Variants in PYHIN1 observed in about 807,000 individuals in gnomAD.
PYHIN1 encodes the protein pyrin and HIN domain-containing protein 1.
PYHIN1 carries 32 observed loss-of-function variants against 43.7 expected under a neutral mutation model. That is an observed-to-expected ratio of 0.73 (90% CI 0.55 to 0.98). The LOEUF (loss-of-function observed/expected upper bound fraction) is 0.98. Among genes scored for constraint, PYHIN1 ranks in the 50% least tolerant of loss-of-function variants. The probability of loss-of-function intolerance (pLI) is 0.00; values close to 1 mark genes in which losing one functional copy is unlikely to be tolerated. For missense variants in PYHIN1, 588 were observed against 589.5 expected (o/e 1.00, Z 0.03); for synonymous variants, 205 against 203.1 (o/e 1.01, Z -0.08).
Position 158,938,339 on chromosome 1 carries a change from T to C in PYHIN1, c.266-58T>C, listed in dbSNP as rs1648687937. The C allele has an allele frequency of 1.9e-6, 3 of 1,578,838 alleles. No homozygotes were observed. In the South Asian group the frequency reaches 3.4e-5, roughly 18 times the overall value. On this transcript the variant is annotated intron_variant, in intron 2 of 8. Coordinates refer to ENST00000368140, the MANE Select transcript of PYHIN1 (RefSeq NM_152501.5). ...TAAGAGCAAATAGTATTGAAACTGC[T>C]TCGGGTGTCCCCGATCATCTGCTCT...
At chr1:158,937,313 C>T (rs1169955592) in intron 2 of PYHIN1, 138 bp downstream of exon 2, 1 of 889,102 alleles carries the variant, frequency 1.1e-6, no homozygotes, top group African/African-American at 1.7e-5. Context: ...GTTGGTACTT[C>T]AGATGCCAAC....
chr1:158,967,915 C>A (rs1259773635), intron 7 of PYHIN1, among the ~76,000 whole-genome samples: 1 of 152,000 alleles, frequency 6.6e-6, no homozygotes, highest in Admixed American at 6.6e-5. Context: ...AACTGGACCC[C>A]TTCCTTACAC....
intron 7 of PYHIN1, among the ~76,000 whole-genome samples, chr1:158,952,581 G>C (rs1381941996): frequency 6.6e-6 from 1 of 152,118 alleles, no homozygotes; most frequent in Non-Finnish European, 1.5e-5. Flanking sequence ...GGGGCTGAGG[G>C]AAGAGGAAGT....
intron 1 of PYHIN1, among the ~76,000 whole-genome samples, chr1:158,934,498 T>TA (rs1270286552): frequency 6.6e-6 from 1 of 152,176 alleles, no homozygotes; most frequent in East Asian, 1.9e-4. Flanking sequence ...GCAGGTGATC[T>TA]AAAGCCTTCA....
At chr1:158,955,496 A>C (rs547420575) in intron 7 of PYHIN1, among the ~76,000 whole-genome samples, 1 of 152,102 alleles carries the variant, frequency 6.6e-6, no homozygotes, top group Non-Finnish European at 1.5e-5. Flanking sequence ...CTGCTCCTGA[A>C]TGACTACTGG....
rs2101635495 is a variant in PYHIN1, at chr1:158,933,323, A to G, written c.-21+1547A>G. 6.6e-6 allele frequency among the ~76,000 whole-genome samples: 1 copy of G among 151,482 alleles called. No individual in the cohort carries two copies. The highest frequency in any genetic ancestry group is 1.9e-4 in the East Asian group (1 of 5,176). On this transcript the variant is annotated intron_variant, in intron 1 of 8. Coordinates refer to ENST00000368140, the MANE Select transcript of PYHIN1 (RefSeq NM_152501.5). This position sits in a 1 kb window ranked among gnomAD's most constrained non-coding sequence, Gnocchi z 6.3. The stretch of plus-strand genomic sequence containing the variant: ...ATTATATTATCATGAAGGACTATAC[A>G]ATAATGAAAAATAATATACATTTAT...
chr1:158,963,858 T>G (rs1295111221), intron 7 of PYHIN1, among the ~76,000 whole-genome samples: 1 of 152,130 alleles, frequency 6.6e-6, no homozygotes, highest in Non-Finnish European at 1.5e-5. Flanking sequence ...TTGCACTAGT[T>G]CCCCAGCAAG....
chr1:158,939,138 A>T lies in PYHIN1; in HGVS notation c.470A>T (p.Glu157Val). The change falls in exon 4 of 9, where the codon GAG (glutamate) becomes GTG (valine). Residue 157 changes from glutamate to valine, a missense_variant. Physicochemically the swap from Glu to Val is moderately radical, Grantham distance 121. Coordinates refer to ENST00000368140, the MANE Select transcript of PYHIN1 (RefSeq NM_152501.5). ...TGTKRSKMSK[E>V]QTRPSCSAGA... ...ACCAAAAGGAGTAAGATGTCCAAAG[A>T]GCAGACTCGGCCTTCCTGCTCTGCA... 6.2e-7 allele frequency: 1 copy of T among 1,613,840 alleles called. No homozygotes were observed. The highest frequency in any genetic ancestry group is 8.5e-7 in the Non-Finnish European group (1 of 1,179,932).
At chr1:158,934,711 A>G (rs185745194) in intron 1 of PYHIN1, among the ~76,000 whole-genome samples, 13 of 152,194 alleles carry the variant, frequency 8.5e-5, no homozygotes, top group African/African-American at 2.9e-4. Context: ...TCTATAATTA[A>G]AATATTTGTT....
At chr1:158,986,747 G>A in the PYHIN1 span, among the ~76,000 whole-genome samples, 1 of 152,140 alleles carries the variant, frequency 6.6e-6, no homozygotes, top group African/African-American at 2.4e-5. Context: ...AAGACTTAAG[G>A]GATGGGCGTC....
rs576126595 is a variant in PYHIN1 at position 158,931,734 on chromosome 1, A to G, written c.-63A>G. 6.6e-6 allele frequency: 1 copy of G among 152,340 alleles called. No individual in the cohort carries two copies. The highest frequency in any genetic ancestry group is 2.1e-4 in the South Asian group (1 of 4,824). 9.4% of individuals were successfully genotyped at this position (152,340 alleles called of 1,614,324 possible). A position where few individuals can be genotyped will look rare whatever the true frequency, so the allele number is the denominator to read the frequency against. On this transcript the variant is annotated 5_prime_UTR_variant, in exon 1 of 9. Transcript: ENST00000368140. Reference sequence around the variant, plus strand: ...CAATCCTCATTTCCTACATTTCTGAAGATCTCAAGATCTGGACTACTGTTG... The same window carrying G: ...CAATCCTCATTTCCTACATTTCTGAGGATCTCAAGATCTGGACTACTGTTG...
At chr1:158,962,461 G>A (rs1249979659) in intron 7 of PYHIN1, among the ~76,000 whole-genome samples, 3 of 152,150 alleles carry the variant, frequency 2.0e-5, no homozygotes, top group Admixed American at 6.5e-5. Flanking sequence ...TTGTATCCGT[G>A]GGTCCCTGTT....
At chr1:158,960,811 T>C (rs979606678) in intron 7 of PYHIN1, among the ~76,000 whole-genome samples, 1 of 152,244 alleles carries the variant, frequency 6.6e-6, no homozygotes, top group Non-Finnish European at 1.5e-5. Context: ...TTTAAAATAC[T>C]AGTCAACCAG....
intron 7 of PYHIN1, among the ~76,000 whole-genome samples, chr1:158,962,648 G>A (rs1650389554): frequency 1.3e-5 from 2 of 152,122 alleles, no homozygotes; most frequent in Non-Finnish European, 1.5e-5. Context: ...AACTGCTCTC[G>A]AGCTGGGAAA....
rs114585942 is a variant in PYHIN1 at position 158,947,717 on chromosome 1, G to A, written c.1359+2675G>A. ...CACAGCCTCCACTAGCCAGCCCTGC[G>A]GGCATTTATTTAGCACAGATTTAAT... On this transcript the variant is annotated intron_variant, in intron 7 of 8. Transcript: ENST00000368140. Among the ~76,000 whole-genome samples, 1,261 of 152,094 alleles carry A rather than the reference G, an allele frequency of 8.3e-3. 13 individuals carry two copies. Among genetic ancestry groups the A allele is most frequent in the Non-Finnish European group, 0.011 (769 of 67,998 alleles).
downstream of PYHIN1, among the ~76,000 whole-genome samples, chr1:158,977,980 T>C (rs1055830199): frequency 7.2e-5 from 11 of 152,092 alleles, no homozygotes; most frequent in Non-Finnish European, 1.5e-5. Flanking sequence ...AGTAGATAAA[T>C]GCAAAATAGC....
intron 7 of PYHIN1, among the ~76,000 whole-genome samples, chr1:158,961,855 GA>G (rs1650338810): frequency 6.6e-6 from 1 of 152,186 alleles, no homozygotes; most frequent in African/African-American, 2.4e-5. Context: ...GGCAATAGGG[GA>G]GGTCAGGCTG....
intron 7 of PYHIN1, among the ~76,000 whole-genome samples, chr1:158,959,794 C>G (rs562789824): frequency 1.3e-5 from 2 of 152,166 alleles, no homozygotes; most frequent in Non-Finnish European, 2.9e-5. Context: ...ATACCATAAG[C>G]TCAGATGGTA....
chr1:158,984,854 T>C, the PYHIN1 span, among the ~76,000 whole-genome samples: 1 of 152,224 alleles, frequency 6.6e-6, no homozygotes, highest in African/African-American at 2.4e-5. Context: ...CACACATCTT[T>C]AGGATAGTTA....
Sources: allele counts gnomAD v4.1 joint callset (sites outside exome capture counted in the v4.1 genomes callset), GRCh38; gene constraint gnomAD v4.1.1; non-coding constraint Gnocchi (gnomAD v3.1); transcripts MANE v1.5; gene names NCBI Gene and HGNC (gene_info 2026-07-23, HGNC 2026-07-21).